PRRC2B: variants seen among roughly 807,000 people sequenced by gnomAD.
The protein encoded by PRRC2B is protein PRRC2B.
A neutral mutation model predicts 242.3 loss-of-function variants in PRRC2B; 68 were observed. That is an observed-to-expected ratio of 0.28 (90% CI 0.23 to 0.34). PRRC2B has a LOEUF of 0.34. Ranked by LOEUF, PRRC2B falls within the 10% of genes least tolerant of loss-of-function variation. The pLI is 1.00. For synonymous variants in PRRC2B, 1,228 were observed against 1,173.6 expected, an observed-to-expected ratio of 1.05 and a Z score of -0.95; for missense variants, 2,835 against 2,954.8, an observed-to-expected ratio of 0.96 and a Z score of 0.94.
rs916805583 is a variant in PRRC2B, at chr9:131,387,351, CT to C, written c.-56+13621del. On this transcript the variant is annotated intron_variant, in intron 1 of 1. Transcript: ENST00000682525. ...CTGCCTGTTTTATGTTCCGTGGCAG[CT>C]GATTGGATTGTGCCCACCAGATTAA... Among the ~76,000 whole-genome samples, 42 of 150,206 alleles carry C rather than the reference CT, an allele frequency of 2.8e-4. 2 individuals are homozygous for C. Among genetic ancestry groups the C allele is most frequent in the African/African-American group, 9.7e-4 (40 of 41,204 alleles).
chr9:131,422,247 G>T (rs188748893), intron 1 of PRRC2B, among the ~76,000 whole-genome samples: 6 of 152,116 alleles, frequency 3.9e-5, no homozygotes, highest in Non-Finnish European at 5.9e-5. Flanking sequence ...TAGAGACGGG[G>T]TTTCACCATG....
chr9:131,455,555 C>A (rs1943048900), intron 10 of PRRC2B, among the ~76,000 whole-genome samples: 1 of 148,804 alleles, frequency 6.7e-6, no homozygotes, highest in South Asian at 2.2e-4. Flanking sequence ...CTCACTCTGT[C>A]ACCCAGGCTG....
intron 1 of PRRC2B, among the ~76,000 whole-genome samples, chr9:131,380,870 T>A (rs955905760): frequency 7.4e-6 from 1 of 134,606 alleles, no homozygotes; most frequent in East Asian, 2.2e-4. Context: ...AGTGTGACAG[T>A]GTGAGATTCT....
At position 131,448,543 on chromosome 9, in the gene PRRC2B, C is replaced by CAAAAAAAA. The variant is rs754661321; in HGVS notation, c.1120+759_1120+766dup. On this transcript the variant is annotated intron_variant, in intron 9 of 31. Transcript: ENST00000683519. ...TGGGCGACAGAGGGAGACACTGTCT[C>CAAAAAAAA]AAAAAAAAAAAAAAAAAAAAAAAAA... Among the ~76,000 whole-genome samples the CAAAAAAAA allele has an allele frequency of 7.6e-3, 304 of 39,876 alleles. 97 individuals are homozygous for CAAAAAAAA. The highest frequency in any genetic ancestry group is 0.025 in the South Asian group (23 of 930). 26.2% of individuals were successfully genotyped at this position (39,876 alleles called of 152,430 possible).
At position 131,474,312 on chromosome 9, in the gene PRRC2B, TTTTG is replaced by T. The variant is rs1428615417; in HGVS notation, c.2325-138_2325-135del. ...GTTTTTTTTTGGTTGTTGTTTTTTG[TTTTG>T]TTTTTCTAGCTTTCTTTTTAAAAAG... On this transcript the variant is annotated intron_variant, in intron 15 of 31. Coordinates refer to ENST00000683519, the MANE Select transcript of PRRC2B (RefSeq NM_013318.4). 32 of 722,254 alleles carry T rather than the reference TTTTG, an allele frequency of 4.4e-5. No homozygotes were observed. In the East Asian group the frequency reaches 6.0e-4, roughly 14 times the overall value. 44.7% of individuals were successfully genotyped at this position (722,254 alleles called of 1,614,324 possible). A position where few individuals can be genotyped will look rare whatever the true frequency, so the allele number is the denominator to read the frequency against.
Position 131,482,870 on chromosome 9 carries a change from T to A in PRRC2B, c.5336T>A (p.Leu1779Gln). Residue 1779 changes from leucine to glutamine, a missense_variant, in exon 22 of 32, where the codon CTG becomes CAG. Coordinates refer to ENST00000683519, the MANE Select transcript of PRRC2B (RefSeq NM_013318.4). This position sits in a 1 kb window ranked among gnomAD's most constrained non-coding sequence, Gnocchi z 5.2. ...GTGGAGATTCACGTGGACTCCGTGC[T>A]GCCTGTGCCACCCATTGAATTTGGA... The part of the protein sequence containing the change: ...NGVEIHVDSV[L>Q]PVPPIEFGVS... The A allele has an allele frequency of 6.2e-7, 1 of 1,608,758 alleles. No individual in the cohort carries two copies. The highest frequency in any genetic ancestry group is 8.5e-7 in the Non-Finnish European group (1 of 1,177,536).
chr9:131,380,846 C>G (rs1259809844), intron 1 of PRRC2B, among the ~76,000 whole-genome samples: 4 of 132,112 alleles, frequency 3.0e-5, no homozygotes. Flanking sequence ...CTACTGCACT[C>G]CAGCCCGGGT....
chr9:131,420,441 T>C (rs536223625), intron 1 of PRRC2B, among the ~76,000 whole-genome samples: 18 of 110,770 alleles, frequency 1.6e-4, no homozygotes, highest in South Asian at 1.5e-3. Flanking sequence ...TCTTTTTTCT[T>C]TTTCTTTTTC....
intron 1 of PRRC2B, among the ~76,000 whole-genome samples, chr9:131,425,479 TTTGTTGTTG>T (rs572600129): frequency 4.6e-5 from 7 of 151,460 alleles, no homozygotes; most frequent in South Asian, 2.1e-4. Context: ...TAAGAGGACT[TTTGTTGTTG>T]TTGTTGTTGT....
intron 1 of PRRC2B, among the ~76,000 whole-genome samples, chr9:131,427,455 C>T (rs751993341): frequency 1.3e-5 from 2 of 151,924 alleles, no homozygotes; most frequent in Non-Finnish European, 1.5e-5. Context: ...CTCAGCCTCA[C>T]GAGTAGCTGG....
At chr9:131,388,630 G>A (rs953121641) in intron 1 of PRRC2B, among the ~76,000 whole-genome samples, 3 of 139,876 alleles carry the variant, frequency 2.1e-5, no homozygotes, top group Non-Finnish European at 4.6e-5. Flanking sequence ...TGCAACCTCC[G>A]CCTCCTGGGT....
intron 1 of PRRC2B, among the ~76,000 whole-genome samples, chr9:131,406,242 C>G (rs1837357924): frequency 6.6e-6 from 1 of 152,176 alleles, no homozygotes; most frequent in Admixed American, 6.5e-5. Context: ...TCCTGGAGCT[C>G]AGTCACCTTA....
intron 5 of PRRC2B, among the ~76,000 whole-genome samples, chr9:131,442,935 G>A (rs1353207432): frequency 6.6e-6 from 1 of 151,998 alleles, no homozygotes. Flanking sequence ...AAAGAATGAA[G>A]AAATAAACTG....
intron 1 of PRRC2B, among the ~76,000 whole-genome samples, chr9:131,383,117 C>G (rs1836782662): frequency 2.6e-5 from 4 of 152,222 alleles, no homozygotes; most frequent in Admixed American, 2.6e-4. Context: ...TGATTAAACT[C>G]TGCTCTTCCT....
chr9:131,430,293 C>T (rs753964084), intron 2 of PRRC2B, 34 bp downstream of exon 2: 8 of 1,346,572 alleles, frequency 5.9e-6, no homozygotes, highest in Non-Finnish European at 2.1e-6. Flanking sequence ...GTTCCTCAAA[C>T]TTTCTCCGAG....
Position 131,495,502 on chromosome 9 carries a change from T to C in PRRC2B, c.6556-238T>C, listed in dbSNP as rs557992847. On this transcript the variant is annotated intron_variant, in intron 31 of 31. Coordinates refer to ENST00000683519, the MANE Select transcript of PRRC2B (RefSeq NM_013318.4). ...GGAATTCTTTGTGGAGGACCCGGTG[T>C]CTTCCTGCCTCTCCGAATCACTGCA... Among the ~76,000 whole-genome samples the C allele has an allele frequency of 5.9e-5, 9 of 152,272 alleles. No homozygotes were observed. The South Asian group carries it at 1.9e-3, about 32-fold the overall frequency.
At chr9:131,451,634 A>T (rs184927282) in intron 9 of PRRC2B, among the ~76,000 whole-genome samples, 1,526 of 152,190 alleles carry the variant, frequency 0.01, 24 homozygotes, top group Non-Finnish European at 0.013. Context: ...TATTAACCTC[A>T]AGTTCTTTCT....
chr9:131,430,282 A>C, intron 2 of PRRC2B, 23 bp downstream of exon 2: 1 of 1,432,338 alleles, frequency 7.0e-7, no homozygotes, highest in South Asian at 1.2e-5. Flanking sequence ...GTTGAAGGCC[A>C]GTTCCTCAAA....
chr9:131,454,411 T>C (rs1340278359), intron 9 of PRRC2B, among the ~76,000 whole-genome samples: 1 of 152,216 alleles, frequency 6.6e-6, no homozygotes, highest in Non-Finnish European at 1.5e-5. Context: ...TTCATCCTCT[T>C]GGGCCTTGAA....
Sources: allele counts gnomAD v4.1 joint callset (sites outside exome capture counted in the v4.1 genomes callset), GRCh38; gene constraint gnomAD v4.1.1; non-coding constraint Gnocchi (gnomAD v3.1); transcripts MANE v1.5; gene names NCBI Gene and HGNC (gene_info 2026-07-23, HGNC 2026-07-21).